TIAM1: variants seen among roughly 807,000 people sequenced by gnomAD.
TIAM1 encodes rho guanine nucleotide exchange factor TIAM1.
Under a neutral mutation model 163.5 loss-of-function variants are expected in TIAM1, and 65 were observed. The ratio of observed to expected loss-of-function variants is 0.40; its 90% confidence interval spans 0.33 to 0.49. The LOEUF (loss-of-function observed/expected upper bound fraction) is 0.49. Among genes scored for constraint, TIAM1 ranks in the 20% least tolerant of loss-of-function variants. The pLI, the probability that TIAM1 is intolerant of heterozygous loss-of-function variation, is 0.77. For missense variants in TIAM1, 1,789 were observed against 2,044.7 expected (o/e 0.87, Z 2.41); for synonymous variants, 833 against 810.1 (o/e 1.03, Z -0.48).
chr21:31,555,787 C>G (rs1291423410), intron 1 of TIAM1, among the ~76,000 whole-genome samples: 1 of 152,150 alleles, frequency 6.6e-6, no homozygotes, highest in Non-Finnish European at 1.5e-5. Flanking sequence ...CAGTATGATC[C>G]TTGCAGAAAT....
chr21:31,477,300 C>A lies in TIAM1; in HGVS notation c.-421-13265G>T, dbSNP rs192334217. ...CCTAAGTCACATATTTCCTGAAATT[C>A]TTTTTATAAGAAAGAGTTGGGAGAG... On this transcript the variant is annotated intron_variant, in intron 1 of 28. Transcript: ENST00000286827. 3.4e-3 allele frequency among the ~76,000 whole-genome samples: 518 copies of A among 152,216 alleles called. 4 individuals are homozygous for A. Among genetic ancestry groups the A allele is most frequent in the African/African-American group, 0.012 (497 of 41,528 alleles).
chr21:31,187,027 T>C lies in TIAM1; in HGVS notation c.2636A>G (p.Lys879Arg). Residue 879 changes from lysine (K) to arginine (R), a missense_variant, in exon 14 of 28, where the codon AAG becomes AGG. By Grantham distance (26) the Lys-to-Arg change is conservative. Around this residue, in one of 5 missense-constraint regions of TIAM1, gnomAD observed 456 missense variants for 586.6 expected, o/e 0.78. Transcript: ENST00000541036. The part of the protein sequence containing the change: ...GIRRLYVNSV[K>R]ETGLASKKGL... The stretch of plus-strand genomic sequence containing the variant: ...TTTCTTGGAAGCTAAACCGGTTTCC[T>C]TCACACTATTCACGTACAGCCTTCG... The C allele has an allele frequency of 6.2e-7, 1 of 1,614,132 alleles. No individual in the cohort carries two copies. Among genetic ancestry groups the C allele is most frequent in the Non-Finnish European group, 8.5e-7 (1 of 1,180,000 alleles).
chr21:31,417,421 T>C (rs2043409889), intron 2 of TIAM1, among the ~76,000 whole-genome samples: 1 of 152,096 alleles, frequency 6.6e-6, no homozygotes, highest in Admixed American at 6.6e-5. Context: ...AGGCACGCCT[T>C]ACATGGTGGC....
chr21:31,437,682 T>G (rs1471312600), intron 2 of TIAM1, among the ~76,000 whole-genome samples: 4 of 151,948 alleles, frequency 2.6e-5, no homozygotes, highest in African/African-American at 9.7e-5. Context: ...TCTCACAAGA[T>G]CTGGTTGTTT....
chr21:31,541,007 G>A (rs1184442926), intron 1 of TIAM1, among the ~76,000 whole-genome samples: 1 of 152,130 alleles, frequency 6.6e-6, no homozygotes, highest in Non-Finnish European at 1.5e-5. Context: ...AACTGATGAA[G>A]ACCAATCAAG....
chr21:31,197,984 G>A (rs147677098), intron 12 of TIAM1, among the ~76,000 whole-genome samples: 82 of 152,186 alleles, frequency 5.4e-4, no homozygotes, highest in African/African-American at 1.9e-3. Context: ...GTCAGTCAAA[G>A]GTTCAAATCC....
rs1406539420 is a variant in TIAM1, at chr21:31,136,176, T to C, written c.3775-135A>G. 1.9e-5 allele frequency: 14 copies of C among 724,466 alleles called. No individual in the cohort carries two copies. In the East Asian group the frequency reaches 2.7e-4, roughly 14 times the overall value. 44.9% of individuals were successfully genotyped at this position (724,466 alleles called of 1,614,324 possible). A position where few individuals can be genotyped will look rare whatever the true frequency, so the allele number is the denominator to read the frequency against. On this transcript the variant is annotated intron_variant, in intron 22 of 27. Coordinates refer to ENST00000541036, the MANE Select transcript of TIAM1 (RefSeq NM_001353694.2). Reference sequence around the variant, plus strand: ...CTGCTCCTAAAAACATTTGCTTAAATATGTGAGATAATGCTAAGTTAAACT... The same window carrying C: ...CTGCTCCTAAAAACATTTGCTTAAACATGTGAGATAATGCTAAGTTAAACT...
chr21:31,301,897 A>ATG (rs1029205908), intron 2 of TIAM1, among the ~76,000 whole-genome samples: 1 of 148,922 alleles, frequency 6.7e-6, no homozygotes, highest in Non-Finnish European at 1.5e-5. Context: ...TATATATAAA[A>ATG]TGTGTGTGTA....
At position 31,186,448 on chromosome 21, in the gene TIAM1, C is replaced by T. The variant is rs191854617; in HGVS notation, c.2662+553G>A. Among the ~76,000 whole-genome samples, 6 of 152,182 alleles carry T rather than the reference C, an allele frequency of 3.9e-5. No homozygotes were observed. In the South Asian group the frequency reaches 6.2e-4, roughly 16 times the overall value. ...CACCATCCTAGAAGATGGAGAAGGACGACCACATGATTAGAATGGAATTTC... is the reference window on the plus strand; with the variant it reads ...CACCATCCTAGAAGATGGAGAAGGATGACCACATGATTAGAATGGAATTTC... On this transcript the variant is annotated intron_variant, in intron 14 of 27. Transcript: ENST00000541036.
intron 2 of TIAM1, among the ~76,000 whole-genome samples, chr21:31,387,226 TG>T (rs1478480937): frequency 9.4e-6 from 1 of 106,946 alleles, no homozygotes; most frequent in Non-Finnish European, 1.9e-5. Flanking sequence ...TTTTTGGAGG[TG>T]GGGGGCACAG....
intron 2 of TIAM1, among the ~76,000 whole-genome samples, chr21:31,376,350 C>A (rs76288862): frequency 1.3e-5 from 2 of 152,160 alleles, no homozygotes; most frequent in African/African-American, 4.8e-5. Context: ...CTATCTCAGG[C>A]TCCTGGGCTC....
At chr21:31,418,549 A>G (rs966488055) in intron 2 of TIAM1, among the ~76,000 whole-genome samples, 16 of 152,022 alleles carry the variant, frequency 1.1e-4, no homozygotes, top group Non-Finnish European at 5.9e-5. Context: ...CTGCAGATAC[A>G]AAGACCTGCA....
intron 2 of TIAM1, among the ~76,000 whole-genome samples, chr21:31,447,239 C>A (rs2044659532): frequency 6.6e-6 from 1 of 152,062 alleles, no homozygotes; most frequent in African/African-American, 2.4e-5. Flanking sequence ...ATTTTTCTTT[C>A]TTTATTTTAC....
chr21:31,217,244 C>A (rs2087271417), intron 9 of TIAM1, among the ~76,000 whole-genome samples: 1 of 151,564 alleles, frequency 6.6e-6, no homozygotes, highest in Non-Finnish European at 1.5e-5. Context: ...ACCCACTTGG[C>A]TTCATTGCAG....
chr21:31,454,434 T>A (rs376099016), intron 2 of TIAM1, among the ~76,000 whole-genome samples: 1 of 152,122 alleles, frequency 6.6e-6, no homozygotes, highest in Admixed American at 6.5e-5. Flanking sequence ...AAACAAAAAC[T>A]TTCCTTTCCA....
At chr21:31,122,161 T>C (rs1188853539) in intron 27 of TIAM1, among the ~76,000 whole-genome samples, 1 of 152,190 alleles carries the variant, frequency 6.6e-6, no homozygotes, top group Non-Finnish European at 1.5e-5. Context: ...TCCATCACTA[T>C]TCCTGAGTGT....
rs376880934 is a variant in TIAM1 at position 31,277,499 on chromosome 21, C to T, written c.-188-591G>A. Among the ~76,000 whole-genome samples the T allele has an allele frequency of 1.1e-3, 162 of 152,182 alleles. 1 individual carries two copies. The highest frequency in any genetic ancestry group is 3.7e-3 in the African/African-American group (153 of 41,546). On this transcript the variant is annotated intron_variant, in intron 2 of 27. Coordinates refer to ENST00000541036, the MANE Select transcript of TIAM1 (RefSeq NM_001353694.2). ...CATCTTTACTAAAATACAAAAATTA[C>T]CCAGGCATGATGGTAGGTGCTTGTA...
At chr21:31,261,348 G>C (rs975098702) in intron 4 of TIAM1, among the ~76,000 whole-genome samples, 2 of 150,034 alleles carry the variant, frequency 1.3e-5, no homozygotes, top group East Asian at 4.0e-4. Flanking sequence ...TTTCAAGCAC[G>C]GGGAGGTAGT....
chr21:31,249,588 C>T (rs75014733), intron 5 of TIAM1, among the ~76,000 whole-genome samples: 5,042 of 152,162 alleles, frequency 0.033, 235 homozygotes, highest in African/African-American at 0.11. Flanking sequence ...AGATGGGCTG[C>T]TAAGGATAAG....
Sources: gnomAD v4.1 joint callset for allele counts (sites outside exome capture counted in the v4.1 genomes callset) on GRCh38, gnomAD v4.1.1 for gene constraint, gnomAD v4.1.1 regional missense constraint, MANE v1.5 for transcripts, NCBI Gene and HGNC (gene_info 2026-07-23, HGNC 2026-07-21) for gene names.